Variants in STRIP1 observed in about 807,000 individuals in gnomAD.
The protein encoded by STRIP1 is striatin-interacting protein 1.
In STRIP1, 63 loss-of-function variants were observed where a neutral mutation model predicts 106.2. The ratio of observed to expected loss-of-function variants is 0.59; its 90% CI spans 0.48 to 0.73. STRIP1 has a LOEUF of 0.73. STRIP1 is among the 30% of genes least tolerant of loss of function. The probability of loss-of-function intolerance (pLI) is 0.00; values close to 1 mark genes in which losing one functional copy is unlikely to be tolerated. For missense variants in STRIP1, 857 were observed against 1,074.8 expected (o/e 0.80, Z 2.83); for synonymous variants, 390 against 413.0 (o/e 0.94, Z 0.67).
Position 110,034,823 on chromosome 1 carries a change from G to C in STRIP1, c.180+6G>C, listed in dbSNP as rs951065454. ...ACCAGCGCAAAGACTCAGAGGTCAG[G>C]AGCTTCGGGGGGCGAGGCTCGCACC... On this transcript the variant is annotated splice_donor_region_variant and intron_variant, in intron 1 of 20. Transcript: ENST00000369795. The C allele has an allele frequency of 7.2e-7, 1 of 1,381,548 alleles. No homozygotes were observed. Among genetic ancestry groups the C allele is most frequent in the East Asian group, 3.1e-5 (1 of 32,362 alleles). 85.6% of individuals were successfully genotyped at this position (1,381,548 alleles called of 1,614,324 possible).
In STRIP1 at chr1:110,046,677, C is replaced by T. The variant is rs1468270556; in HGVS notation, c.1417-3C>T. On this transcript the variant is annotated splice_polypyrimidine_tract_variant and splice_region_variant and intron_variant, in intron 12 of 20. Coordinates refer to ENST00000369795, the MANE Select transcript of STRIP1 (RefSeq NM_033088.4). ...GCCCTTCTTTTCCCATCTCTCCCAC[C>T]AGCACAAGTACACGTCGATTGCAGA... The T allele has an allele frequency of 1.9e-6, 3 of 1,613,232 alleles. No homozygotes were observed. Among genetic ancestry groups the T allele is most frequent in the Non-Finnish European group, 2.5e-6 (3 of 1,179,484 alleles).
At chr1:110,049,426 CTTTT>C (rs529172763) in intron 16 of STRIP1, 30 bp from the exon 17 acceptor site, 2,109 of 1,310,496 alleles carry the variant, frequency 1.6e-3, no homozygotes, top group Middle Eastern at 1.8e-3. Flanking sequence ...AGGGCCGCGC[CTTTT>C]TTTTTTTTTT....
Position 110,045,098 on chromosome 1 carries a change from C to G in STRIP1, c.1416+20C>G. 2 of 1,613,132 alleles carry G rather than the reference C, an allele frequency of 1.2e-6. No individual in the cohort carries two copies. The highest frequency in any genetic ancestry group is 1.7e-6 in the Non-Finnish European group (2 of 1,179,214). Reference sequence around the variant, plus strand: ...AAACAGGTGAGTGGCTTTGGGTGAGCTTTTGGCTTGTTTGGTCCTAAGTGA... The same window carrying G: ...AAACAGGTGAGTGGCTTTGGGTGAGGTTTTGGCTTGTTTGGTCCTAAGTGA... On this transcript the variant is annotated intron_variant, in intron 12 of 20. Transcript: ENST00000369795.
At chr1:110,042,974 T>G in intron 8 of STRIP1, 114 bp from the exon 9 acceptor site, 1 of 1,022,726 alleles carries the variant, frequency 9.8e-7, no homozygotes, top group Non-Finnish European at 1.4e-6. Context: ...GTTGCCTGGG[T>G]CTCTATAAAG....
chr1:110,043,280 A>G lies in STRIP1; in HGVS notation c.1068+10A>G, dbSNP rs773460962. 1 of 1,608,342 alleles carries G rather than the reference A, an allele frequency of 6.2e-7. No individual in the cohort carries two copies. On this transcript the variant is annotated intron_variant, in intron 9 of 20. Transcript: ENST00000369795. The stretch of plus-strand genomic sequence containing the variant: ...CCGCCGAGAGCACAAGGTGAGGACG[A>G]CAGAGGTCCCTGTGACTCCTGAGGG...
chr1:110,043,532 G>C, intron 9 of STRIP1, 107 bp from the exon 10 acceptor site: 4 of 1,067,896 alleles, frequency 3.7e-6, no homozygotes, highest in Admixed American at 2.2e-5. Flanking sequence ...TTTTTCCACT[G>C]TTCTTGCCTC....
upstream of STRIP1, among the ~76,000 whole-genome samples, chr1:110,031,824 T>G (rs2101757063): frequency 6.6e-6 from 1 of 152,274 alleles, no homozygotes; most frequent in Non-Finnish European, 1.5e-5. Flanking sequence ...TCCTTCTAGA[T>G]CTGTATATTC....
intron 10 of STRIP1, 108 bp downstream of exon 10, chr1:110,043,964 C>A: frequency 1.9e-6 from 2 of 1,034,034 alleles, no homozygotes; most frequent in South Asian, 1.4e-5. Flanking sequence ...GCAGGGCAGG[C>A]TGACCGTGGC....
At chr1:110,047,157 C>T (rs930842472) in intron 13 of STRIP1, among the ~76,000 whole-genome samples, 9 of 152,044 alleles carry the variant, frequency 5.9e-5, no homozygotes, top group Admixed American at 3.3e-4. Flanking sequence ...TCAAAGAGCT[C>T]CCAGTCCACC....
chr1:110,048,811 T>C (rs1226140710), intron 15 of STRIP1, among the ~76,000 whole-genome samples: 1 of 152,200 alleles, frequency 6.6e-6, no homozygotes, highest in Non-Finnish European at 1.5e-5. Context: ...CTCAGGTTAA[T>C]ATGGCAGCAG....
intron 20 of STRIP1, among the ~76,000 whole-genome samples, chr1:110,053,148 C>T (rs1378282184): frequency 6.6e-6 from 1 of 152,226 alleles, no homozygotes; most frequent in Non-Finnish European, 1.5e-5. Context: ...CCTCTGCAGG[C>T]ACTCTTCTTT....
intron 2 of STRIP1, 95 bp downstream of exon 2, chr1:110,038,055 T>G: frequency 2.4e-6 from 1 of 414,900 alleles, no homozygotes; most frequent in Non-Finnish European, 4.3e-6. Context: ...CTTCATTGCT[T>G]TCCCTAGTTC....
chr1:110,039,920 C>T (rs926766972), intron 5 of STRIP1: 1 of 1,292,766 alleles, frequency 7.7e-7, no homozygotes, highest in Non-Finnish European at 1.0e-6. Context: ...GCCTGTGTCA[C>T]CTTTGTCCAG....
upstream of STRIP1, among the ~76,000 whole-genome samples, chr1:110,033,480 A>AT (rs993127261): frequency 2.0e-5 from 3 of 152,144 alleles, no homozygotes; most frequent in South Asian, 2.1e-4. Flanking sequence ...AAAGAAAGTT[A>AT]TTTTTTGCAG....
At chr1:110,039,585 C>G (rs1376898124) in intron 5 of STRIP1, 70 bp downstream of exon 5, 58 of 1,526,360 alleles carry the variant, frequency 3.8e-5, no homozygotes, top group Non-Finnish European at 5.1e-5. Flanking sequence ...GCTTGCAGAA[C>G]TAACTGGCTT....
At chr1:110,038,967 A>T in intron 3 of STRIP1, 1 of 744,976 alleles carries the variant, frequency 1.3e-6, no homozygotes, top group East Asian at 2.7e-5. Context: ...AGAAAAAAAA[A>T]TCATGTGATT....
At chr1:110,035,628 T>C (rs1652416285) in intron 1 of STRIP1, among the ~76,000 whole-genome samples, 1 of 152,176 alleles carries the variant, frequency 6.6e-6, no homozygotes, top group Non-Finnish European at 1.5e-5. Context: ...TGAATGAAGA[T>C]ACTCATGTCG....
intron 15 of STRIP1, chr1:110,048,196 C>T (rs1041005822): frequency 7.0e-6 from 2 of 287,560 alleles, no homozygotes; most frequent in Admixed American, 4.4e-5. Flanking sequence ...GATTGAGACA[C>T]CCAGGATGAG....
In STRIP1 at chr1:110,047,498, T is replaced by C. The variant is rs150521295; in HGVS notation, c.1489-44T>C. On this transcript the variant is annotated intron_variant, in intron 13 of 20. Coordinates refer to ENST00000369795, the MANE Select transcript of STRIP1 (RefSeq NM_033088.4). The stretch of plus-strand genomic sequence containing the variant: ...GCTAGGAAGCTGGCTCAGGAGATTG[T>C]ATTCTGGGCTGGGGTTTTATGCTTG... The C allele has an allele frequency of 1.2e-4, 176 of 1,515,752 alleles. No homozygotes were observed. The African/African-American group carries it at 2.2e-3, about 19-fold the overall frequency. 93.9% of individuals were successfully genotyped at this position (1,515,752 alleles called of 1,614,324 possible). A position where few individuals can be genotyped will look rare whatever the true frequency, so the allele number is the denominator to read the frequency against.
Sources: allele counts gnomAD v4.1 joint callset (sites outside exome capture counted in the v4.1 genomes callset), GRCh38; gene constraint gnomAD v4.1.1; transcripts MANE v1.5; gene names NCBI Gene and HGNC (gene_info 2026-07-23, HGNC 2026-07-21).